VRTN: variants seen among roughly 807,000 people sequenced by gnomAD.
The protein encoded by VRTN is vertnin.
VRTN carries 5 observed loss-of-function variants against 18.2 expected under a neutral mutation model. The ratio of observed to expected loss-of-function variants is 0.27; its 90% CI spans 0.14 to 0.58. The LOEUF (loss-of-function observed/expected upper bound fraction) is 0.58, where lower values mean the gene tolerates loss of function less well. VRTN is among the 20% of genes least tolerant of loss of function. The probability of loss-of-function intolerance (pLI) is 0.91; values close to 1 mark genes in which losing one functional copy is unlikely to be tolerated. For synonymous variants in VRTN, 381 were observed against 393.7 expected (o/e 0.97, Z 0.38); for missense variants, 741 against 939.4 (o/e 0.79, Z 2.76).
chr14:74,317,703 G>A (rs2085426392), intron 1 of VRTN, among the ~76,000 whole-genome samples: 1 of 152,156 alleles, frequency 6.6e-6, no homozygotes. Context: ...TTGGGAGGCT[G>A]AGGCATGAGA....
intron 2 of VRTN, among the ~76,000 whole-genome samples, chr14:74,338,337 A>C (rs2085578733): frequency 1.3e-5 from 2 of 152,176 alleles, no homozygotes; most frequent in Non-Finnish European, 2.9e-5. Context: ...CTTAGCACAG[A>C]TCTCTGAGAA....
intron 2 of VRTN, among the ~76,000 whole-genome samples, chr14:74,343,129 T>C (rs1304055332): frequency 6.6e-6 from 1 of 152,106 alleles, no homozygotes; most frequent in Non-Finnish European, 1.5e-5. Context: ...AGTAAATTGA[T>C]ACAACTTTTT....
chr14:74,351,286 C>T (rs542444561), intron 1 of VRTN, among the ~76,000 whole-genome samples: 13 of 151,934 alleles, frequency 8.6e-5, no homozygotes, highest in Non-Finnish European at 1.8e-4. Flanking sequence ...GGATTATCTC[C>T]TGAATCCAAA....
In VRTN at chr14:74,359,185, T is replaced by G; in HGVS notation, c.*293T>G. ...TTGGTTTTGATTTGAGTGGGTTGGT[T>G]GGCCCCCTTGCTGGAGTTGGAAGCC... On this transcript the variant is annotated 3_prime_UTR_variant, in exon 2 of 2. Transcript: ENST00000256362. 1 of 369,216 alleles carries G rather than the reference T, an allele frequency of 2.7e-6. No individual in the cohort carries two copies. Among genetic ancestry groups the G allele is most frequent in the Non-Finnish European group, 4.7e-6 (1 of 214,452 alleles). 22.9% of individuals were successfully genotyped at this position (369,216 alleles called of 1,614,324 possible).
At chr14:74,325,942 G>C (rs2085484925) in intron 1 of VRTN, among the ~76,000 whole-genome samples, 1 of 152,112 alleles carries the variant, frequency 6.6e-6, no homozygotes, top group East Asian at 1.9e-4. Context: ...CAGGCATTGT[G>C]CAAAGAGCTT....
chr14:74,342,163 C>T (rs2085609612), intron 2 of VRTN, among the ~76,000 whole-genome samples: 1 of 151,792 alleles, frequency 6.6e-6, no homozygotes, highest in African/African-American at 2.4e-5. Context: ...AGAAGAATCC[C>T]TTGAACTCAG....
chr14:74,337,217 C>T (rs1214155629), intron 1 of VRTN, among the ~76,000 whole-genome samples: 2 of 152,050 alleles, frequency 1.3e-5, no homozygotes, highest in Non-Finnish European at 2.9e-5. Context: ...GTGGCACATG[C>T]CTGTAGTCCC....
chr14:74,329,125 A>G (rs2085505631), intron 1 of VRTN, among the ~76,000 whole-genome samples: 1 of 151,858 alleles, frequency 6.6e-6, no homozygotes, highest in Admixed American at 6.6e-5. Flanking sequence ...AAAATACAAA[A>G]TTAGCTGGGC....
intron 1 of VRTN, among the ~76,000 whole-genome samples, chr14:74,322,577 T>C (rs1224413104): frequency 6.6e-6 from 1 of 152,160 alleles, no homozygotes; most frequent in Non-Finnish European, 1.5e-5. Context: ...GCATATCCCC[T>C]GAAATTTGCA....
chr14:74,307,418 C>G (rs2085361067), intron 1 of VRTN, among the ~76,000 whole-genome samples: 1 of 152,126 alleles, frequency 6.6e-6, no homozygotes, highest in African/African-American at 2.4e-5. Context: ...GCGTGAGCCA[C>G]TGCTCCTGGC....
chr14:74,332,173 T>C (rs191004394), intron 1 of VRTN, among the ~76,000 whole-genome samples: 22 of 151,852 alleles, frequency 1.4e-4, no homozygotes, highest in African/African-American at 5.3e-4. Flanking sequence ...TGTAGATAGA[T>C]TTGCACAGAG....
intron 1 of VRTN, among the ~76,000 whole-genome samples, chr14:74,355,530 T>A (rs1595176477): frequency 6.6e-6 from 1 of 151,954 alleles, no homozygotes; most frequent in East Asian, 1.9e-4. Context: ...AAAAAAAAAA[T>A]AGCATCATTT....
At chr14:74,313,838 C>T (rs1447548693) in intron 1 of VRTN, among the ~76,000 whole-genome samples, 1 of 152,156 alleles carries the variant, frequency 6.6e-6, no homozygotes, top group African/African-American at 2.4e-5. Flanking sequence ...CAAAAATTAG[C>T]TGGGTGTGGT....
At chr14:74,344,244 T>TAAAAAAAAAAAAAAAA (rs2085627088), upstream of VRTN, among the ~76,000 whole-genome samples, 1 of 2,474 alleles carries the variant, frequency 4.0e-4, no homozygotes, top group Non-Finnish European at 1.3e-3. Context: ...CTCTGCTTTC[T>TAAAAAAAAAAAAAAAA]ACAAAAAAAA....
chr14:74,332,342 T>G (rs1296305174), intron 1 of VRTN, among the ~76,000 whole-genome samples: 1 of 22,952 alleles, frequency 4.4e-5, no homozygotes, highest in Non-Finnish European at 7.0e-5. Context: ...TCTGTTTTTT[T>G]TTTTTTTTTT....
chr14:74,356,012 TG>T (rs1379694631), intron 1 of VRTN, among the ~76,000 whole-genome samples: 1 of 151,858 alleles, frequency 6.6e-6, no homozygotes, highest in Non-Finnish European at 1.5e-5. Context: ...TTGTATTTTT[TG>T]TAGAGATGGG....
chr14:74,346,797 A>G (rs984211661), upstream of VRTN, among the ~76,000 whole-genome samples: 10 of 152,248 alleles, frequency 6.6e-5, no homozygotes, highest in African/African-American at 2.4e-4. Context: ...GGAAAAGCCA[A>G]CAAACCTTTT....
intron 1 of VRTN, among the ~76,000 whole-genome samples, chr14:74,349,319 G>A (rs1442833939): frequency 7.4e-5 from 4 of 53,890 alleles, no homozygotes; most frequent in Non-Finnish European, 1.4e-4. Flanking sequence ...GATGGCTGGC[G>A]CTCCCTTAGG....
In VRTN at chr14:74,358,888, G is replaced by A; in HGVS notation, c.2105G>A (p.Gly702Asp). Residue 702 changes from glycine (G) to aspartate (D), a missense_variant, in exon 2 of 2, where the codon GGC becomes GAC. This residue lies in a region of VRTN where 61 missense variants were observed against 104.6 expected (regional missense o/e 0.58). Coordinates refer to ENST00000256362, the MANE Select transcript of VRTN (RefSeq NM_018228.3). The surrounding 1 kb of genome is among the most constrained non-coding windows in gnomAD (Gnocchi z 5.4). ...ALYDGLTLVD[G>D] ...TATGACGGCCTGACCCTGGTAGATG[G>A]CTGACAGGGAGGTACAAAAGGGGCT... 6.2e-7 allele frequency: 1 copy of A among 1,606,716 alleles called. No homozygotes were observed. The highest frequency in any genetic ancestry group is 8.5e-7 in the Non-Finnish European group (1 of 1,175,368).
Sources: allele counts gnomAD v4.1 joint callset (sites outside exome capture counted in the v4.1 genomes callset), GRCh38; gene constraint gnomAD v4.1.1; regional missense constraint gnomAD v4.1.1; non-coding constraint Gnocchi (gnomAD v3.1); transcripts MANE v1.5; gene names NCBI Gene and HGNC (gene_info 2026-07-23, HGNC 2026-07-21).